Variants in OTOG observed in about 807,000 individuals in gnomAD.
OTOG encodes the protein otogelin.
In OTOG, 296 loss-of-function variants were observed where a neutral mutation model predicts 313.8. The observed-to-expected ratio is 0.94, with a 90% CI of 0.86 to 1.04. OTOG has a LOEUF of 1.04. Among genes scored for constraint, OTOG ranks in the 50% least tolerant of loss-of-function variants. The pLI is 0.00. For synonymous variants in OTOG, 1,533 were observed against 1,554.9 expected, an observed-to-expected ratio of 0.99 and a Z score of 0.33; for missense variants, 3,948 against 3,840.1, an observed-to-expected ratio of 1.03 and a Z score of -0.74.
intron 3 of OTOG, among the ~76,000 whole-genome samples, chr11:17,551,311 G>C (rs1432680839): frequency 1.2e-4 from 18 of 152,162 alleles, no homozygotes; most frequent in Non-Finnish European, 1.5e-5. Context: ...GAACACCCCT[G>C]TTGTTATATA....
chr11:17,641,809 G>A (rs1451148427), intron 51 of OTOG, 38 bp from the exon 52 acceptor site: 4 of 1,431,044 alleles, frequency 2.8e-6, no homozygotes, highest in Non-Finnish European at 3.8e-6. Context: ...GGGTGGAGGT[G>A]GGCATCTGGC....
intron 39 of OTOG, among the ~76,000 whole-genome samples, chr11:17,619,789 A>G (rs1281625779): frequency 6.6e-6 from 1 of 152,210 alleles, no homozygotes; most frequent in Non-Finnish European, 1.5e-5. Flanking sequence ...TTCTAAAGAG[A>G]TTTTTAAAAC....
chr11:17,645,959 G>A lies in OTOG; in HGVS notation c.*15G>A. 1.3e-6 allele frequency: 2 copies of A among 1,546,502 alleles called. No homozygotes were observed. Among genetic ancestry groups the A allele is most frequent in the Non-Finnish European group, 1.7e-6 (2 of 1,146,728 alleles). ...AGTGGTCCTGAGGCCTGGGGGCCCG[G>A]GCTAGCTGGACCACCTCTGCCAGCC... On this transcript the variant is annotated 3_prime_UTR_variant, in exon 56 of 56. Coordinates refer to ENST00000399397, the MANE Select transcript of OTOG (RefSeq NM_001292063.2).
At chr11:17,596,771 G>A (rs928536084) in intron 29 of OTOG, 80 bp from the exon 30 acceptor site, 2 of 1,312,234 alleles carry the variant, frequency 1.5e-6, no homozygotes, top group East Asian at 2.5e-5. Context: ...TCATGTTGGT[G>A]CTGGTCGTCA....
At chr11:17,644,675 G>A (rs1848038954) in intron 54 of OTOG, among the ~76,000 whole-genome samples, 2 of 152,240 alleles carry the variant, frequency 1.3e-5, no homozygotes, top group Non-Finnish European at 2.9e-5. Context: ...TCACATTAAA[G>A]TGTGAAAGGA....
chr11:17,622,978 C>G (rs557262752), intron 39 of OTOG, among the ~76,000 whole-genome samples: 2 of 152,274 alleles, frequency 1.3e-5, no homozygotes, highest in South Asian at 4.1e-4. Context: ...TGAGGGTTCC[C>G]TTTTCTCCAC....
intron 42 of OTOG, 22 bp from the exon 43 acceptor site, chr11:17,633,658 G>T: frequency 6.6e-7 from 1 of 1,504,008 alleles, no homozygotes; most frequent in South Asian, 1.3e-5. Context: ...AGGTAGGCCT[G>T]GTGCCCACTG....
Position 17,591,599 on chromosome 11 carries a change from G to C in OTOG, c.3006+11G>C. 1 of 1,550,298 alleles carries C rather than the reference G, an allele frequency of 6.5e-7. No individual in the cohort carries two copies. Among genetic ancestry groups the C allele is most frequent in the South Asian group, 1.2e-5 (1 of 84,050 alleles). ...GTGCACCTGGTCAAGGTGAGTTCCCGGATGTTTCTGCCCAGTTGGCTCCAT... is the reference window on the plus strand; with the variant it reads ...GTGCACCTGGTCAAGGTGAGTTCCCCGATGTTTCTGCCCAGTTGGCTCCAT... On this transcript the variant is annotated intron_variant, in intron 25 of 55. Coordinates refer to ENST00000399397, the MANE Select transcript of OTOG (RefSeq NM_001292063.2).
At position 17,636,862 on chromosome 11, in the gene OTOG, C is replaced by T. The variant is rs11024352; in HGVS notation, c.7795+1151C>T. On this transcript the variant is annotated intron_variant, in intron 47 of 55. Transcript: ENST00000399397. ...CAGGGCAAGTTCCTTACTCTCTGAGCCAAGGTTGCTCATTTGTAAAATAGC... is the reference window on the plus strand; with the variant it reads ...CAGGGCAAGTTCCTTACTCTCTGAGTCAAGGTTGCTCATTTGTAAAATAGC... 1.5e-3 allele frequency among the ~76,000 whole-genome samples: 234 copies of T among 152,072 alleles called. 6 individuals carry two copies. In the East Asian group the frequency reaches 0.039, roughly 26 times the overall value.
At chr11:17,548,567 G>T (rs183540350) in intron 3 of OTOG, among the ~76,000 whole-genome samples, 27 of 151,800 alleles carry the variant, frequency 1.8e-4, no homozygotes, top group African/African-American at 6.3e-4. Context: ...TTCCCTGACT[G>T]GCCTGCGAAG....
chr11:17,573,570 C>T (rs1852453564), intron 19 of OTOG, among the ~76,000 whole-genome samples: 1 of 152,212 alleles, frequency 6.6e-6, no homozygotes, highest in Non-Finnish European at 1.5e-5. Flanking sequence ...CCCAAATTCA[C>T]CCACTTCTTA....
chr11:17,627,641 G>A (rs1854019059), intron 39 of OTOG, among the ~76,000 whole-genome samples: 1 of 152,026 alleles, frequency 6.6e-6, no homozygotes, highest in African/African-American at 2.4e-5. Context: ...TTCTCTAATA[G>A]TGTGAGTAGG....
chr11:17,637,069 C>T (rs184444963), intron 47 of OTOG, among the ~76,000 whole-genome samples: 2 of 152,204 alleles, frequency 1.3e-5, no homozygotes, highest in Admixed American at 6.5e-5. Flanking sequence ...GTAGAAAGTA[C>T]GAATTCCAAG....
chr11:17,600,999 T>C (rs1272748448), intron 31 of OTOG, among the ~76,000 whole-genome samples: 1 of 152,246 alleles, frequency 6.6e-6, no homozygotes, highest in Non-Finnish European at 1.5e-5. Flanking sequence ...CTAGCACCTA[T>C]TGTGTTTCTA....
intron 54 of OTOG, among the ~76,000 whole-genome samples, chr11:17,644,735 C>A (rs760102544): frequency 1.4e-5 from 2 of 147,392 alleles, no homozygotes; most frequent in Non-Finnish European, 3.0e-5. Context: ...CTGGAAGGGG[C>A]CTGTGCAAAA....
At chr11:17,564,132 A>G (rs534744643) in intron 15 of OTOG, among the ~76,000 whole-genome samples, 80 of 151,868 alleles carry the variant, frequency 5.3e-4, no homozygotes, top group African/African-American at 1.8e-3. Flanking sequence ...TTGTGACTTC[A>G]CCCACATGAT....
At chr11:17,642,588 C>T (rs764198127) in intron 53 of OTOG, among the ~76,000 whole-genome samples, 10 of 152,162 alleles carry the variant, frequency 6.6e-5, no homozygotes, top group Admixed American at 5.9e-4. Flanking sequence ...ACACACCACG[C>T]GTCATCACAC....
intron 3 of OTOG, among the ~76,000 whole-genome samples, chr11:17,548,642 CA>C (rs1851864637): frequency 6.6e-6 from 1 of 152,034 alleles, no homozygotes; most frequent in Admixed American, 6.5e-5. Context: ...GCAGGCAAGA[CA>C]AAAACTAGGC....
chr11:17,644,300 C>T (rs1848031105), intron 54 of OTOG, among the ~76,000 whole-genome samples: 1 of 152,270 alleles, frequency 6.6e-6, no homozygotes, highest in African/African-American at 2.4e-5. Context: ...CTTAGTTCTC[C>T]TGCCTCCTGG....
Sources: gnomAD v4.1 joint callset for allele counts (sites outside exome capture counted in the v4.1 genomes callset) on GRCh38, gnomAD v4.1.1 for gene constraint, MANE v1.5 for transcripts, NCBI Gene and HGNC (gene_info 2026-07-23, HGNC 2026-07-21) for gene names.